The following ARMH1 variants were observed in gnomAD, a reference collection of about 807,000 sequenced individuals.
ARMH1 encodes armadillo-like helical domain containing protein 1.
Under a neutral mutation model 50.2 loss-of-function variants are expected in ARMH1, and 34 were observed. The observed-to-expected ratio is 0.68, with a 90% CI of 0.51 to 0.90. The LOEUF (loss-of-function observed/expected upper bound fraction) is 0.90, where lower values mean the gene tolerates loss of function less well. Ranked by LOEUF, ARMH1 falls within the 40% of genes least tolerant of loss-of-function variation. The pLI, the probability that ARMH1 is intolerant of heterozygous loss-of-function variation, is 0.00. For missense variants in ARMH1, 538 were observed against 553.9 expected (o/e 0.97, Z 0.29); for synonymous variants, 221 against 224.2 (o/e 0.99, Z 0.13).
At chr1:44,677,103 C>T (rs140479114) in intron 1 of ARMH1, among the ~76,000 whole-genome samples, 48 of 152,214 alleles carry the variant, frequency 3.2e-4, no homozygotes, top group Middle Eastern at 3.4e-3. Context: ...CAAATAAGAA[C>T]ATTATATCAG....
rs1645311221 is a variant in ARMH1 at position 44,681,447 on chromosome 1, C to T, written c.-23+6574C>T. Among the ~76,000 whole-genome samples, 1 of 152,008 alleles carries T rather than the reference C, an allele frequency of 6.6e-6. No homozygotes were observed. Among genetic ancestry groups the T allele is most frequent in the African/African-American group, 2.4e-5 (1 of 41,388 alleles). On this transcript the variant is annotated intron_variant, in intron 1 of 11. Coordinates refer to ENST00000535358, the MANE Select transcript of ARMH1 (RefSeq NM_001145636.2). This position sits in a 1 kb window ranked among gnomAD's most constrained non-coding sequence, Gnocchi z 4.3. ...GCTATGACGGTGCTGTGCACTCCAG[C>T]CTGAGTGACAAGAGTGAGCCCCTAT...
intron 6 of ARMH1, among the ~76,000 whole-genome samples, chr1:44,712,821 G>A (rs1390173927): frequency 3.3e-5 from 5 of 151,516 alleles, no homozygotes; most frequent in East Asian, 2.0e-4. Context: ...GTGCCACCAC[G>A]CCCAGCTAAT....
rs1386649041 is a variant in ARMH1 at position 44,700,440 on chromosome 1, AC to A, written c.443-480del. On this transcript the variant is annotated intron_variant, in intron 4 of 11. Coordinates refer to ENST00000535358, the MANE Select transcript of ARMH1 (RefSeq NM_001145636.2). ...AGACCATCCTGGCTAACACTGTGAA[AC>A]CCTGTCTCTATTAAAAATACAAAAA... Among the ~76,000 whole-genome samples the A allele has an allele frequency of 2.5e-4, 38 of 151,912 alleles. No individual in the cohort carries two copies. In the South Asian group the frequency reaches 7.7e-3, roughly 31 times the overall value.
At chr1:44,721,816 T>C (rs528175842) in intron 6 of ARMH1, 97 of 152,318 alleles carry the variant, frequency 6.4e-4, no homozygotes, top group African/African-American at 2.3e-3. Context: ...TCAAAAAATT[T>C]AACCATAAAC....
At chr1:44,698,507 C>G (rs1645904259) in intron 4 of ARMH1, among the ~76,000 whole-genome samples, 1 of 152,138 alleles carries the variant, frequency 6.6e-6, no homozygotes, top group African/African-American at 2.4e-5. Context: ...GGCCCAATAT[C>G]TTTTGTGAAA....
At chr1:44,722,903 C>CAAAA (rs71036693) in intron 6 of ARMH1, among the ~76,000 whole-genome samples, 2 of 85,982 alleles carry the variant, frequency 2.3e-5, no homozygotes, top group African/African-American at 4.5e-5. Context: ...ACTAAAAATA[C>CAAAA]AAAAAAAAAA....
intron 5 of ARMH1, among the ~76,000 whole-genome samples, chr1:44,702,322 C>A (rs550971665): frequency 1.3e-5 from 2 of 152,216 alleles, no homozygotes; most frequent in Admixed American, 6.5e-5. Context: ...TTACCCAAGG[C>A]CGCATGCTAA....
intron 5 of ARMH1, among the ~76,000 whole-genome samples, chr1:44,702,382 C>G (rs1646122160): frequency 6.6e-6 from 1 of 152,114 alleles, no homozygotes; most frequent in Admixed American, 6.6e-5. Context: ...CTCCTACGTC[C>G]TTATTCTTTC....
intron 1 of ARMH1, among the ~76,000 whole-genome samples, chr1:44,687,699 A>G (rs542153224): frequency 6.6e-6 from 1 of 152,286 alleles, no homozygotes; most frequent in Admixed American, 6.5e-5. Context: ...TCATCTTTGC[A>G]TCTCCCACGG....
At chr1:44,704,536 G>C (rs1646250072) in intron 6 of ARMH1, among the ~76,000 whole-genome samples, 1 of 150,702 alleles carries the variant, frequency 6.6e-6, no homozygotes, top group Admixed American at 6.6e-5. Flanking sequence ...TTTTGAGGCA[G>C]GGTCTTGCTT....
At chr1:44,686,093 C>T (rs1645463563) in intron 1 of ARMH1, among the ~76,000 whole-genome samples, 1 of 152,156 alleles carries the variant, frequency 6.6e-6, no homozygotes, top group South Asian at 2.1e-4. Flanking sequence ...AAGAGGAAAT[C>T]CCAGGACAAC....
intron 5 of ARMH1, 148 bp downstream of exon 5, chr1:44,701,267 G>A (rs1646069727): frequency 1.3e-6 from 1 of 754,980 alleles, no homozygotes; most frequent in East Asian, 2.7e-5. Flanking sequence ...ACTTCCAGAA[G>A]GCCAAGGTAG....
At chr1:44,722,548 C>T (rs1647454767) in intron 6 of ARMH1, among the ~76,000 whole-genome samples, 1 of 151,074 alleles carries the variant, frequency 6.6e-6, no homozygotes, top group Admixed American at 6.6e-5. Flanking sequence ...GAGTTCAAGA[C>T]CAGCCTTGCC....
At chr1:44,678,977 A>G (rs1343909843) in intron 1 of ARMH1, among the ~76,000 whole-genome samples, 1 of 152,080 alleles carries the variant, frequency 6.6e-6, no homozygotes, top group Non-Finnish European at 1.5e-5. Context: ...CCACTATAGA[A>G]ATGATTTATG....
In ARMH1 at chr1:44,725,344, G is replaced by C; in HGVS notation, c.1264G>C (p.Asp422His). 1 of 1,551,720 alleles carries C rather than the reference G, an allele frequency of 6.4e-7. No homozygotes were observed. The highest frequency in any genetic ancestry group is 8.7e-7 in the Non-Finnish European group (1 of 1,147,006). The change falls in exon 12 of 12, where the codon GAT becomes CAT. Residue 422 changes from aspartate to histidine, a missense_variant. Physicochemically the swap from Asp to His is moderately conservative, Grantham distance 81 (BLOSUM62 -1). Coordinates refer to ENST00000535358, the MANE Select transcript of ARMH1 (RefSeq NM_001145636.2). ...YSMNTLYGSRDSAQMAYLTHF... is the reference protein window; with the variant it reads ...YSMNTLYGSRHSAQMAYLTHF... ...CATGAACACTCTCTATGGCTCGCGC[G>C]ATTCGGCTCAGATGGCCTACCTCAC...
intron 6 of ARMH1, among the ~76,000 whole-genome samples, chr1:44,713,175 T>G (rs1409112389): frequency 6.8e-6 from 1 of 146,868 alleles, no homozygotes; most frequent in Non-Finnish European, 1.5e-5. Flanking sequence ...CTTGGCTCAC[T>G]GCAACCTACA....
At chr1:44,704,398 G>A (rs746401247) in intron 6 of ARMH1, among the ~76,000 whole-genome samples, 1 of 152,266 alleles carries the variant, frequency 6.6e-6, no homozygotes, top group African/African-American at 2.4e-5. Flanking sequence ...TCCAGAGCTG[G>A]CTCTGGCTCC....
intron 1 of ARMH1, among the ~76,000 whole-genome samples, chr1:44,677,400 A>G (rs1645172487): frequency 6.6e-6 from 1 of 152,240 alleles, no homozygotes; most frequent in South Asian, 2.1e-4. Flanking sequence ...ATACAATGGA[A>G]GGACAAAGGA....
chr1:44,695,239 T>G (rs1645787103), intron 2 of ARMH1, among the ~76,000 whole-genome samples: 1 of 152,194 alleles, frequency 6.6e-6, no homozygotes, highest in Admixed American at 6.5e-5. Flanking sequence ...TTACCTCATG[T>G]TACTCAGGAA....
Sources: allele counts gnomAD v4.1 joint callset (sites outside exome capture counted in the v4.1 genomes callset), GRCh38; gene constraint gnomAD v4.1.1; non-coding constraint Gnocchi (gnomAD v3.1); transcripts MANE v1.5; gene names NCBI Gene and HGNC (gene_info 2026-07-23, HGNC 2026-07-21).